HTRA4: variants seen among roughly 807,000 people sequenced by gnomAD.
The protein encoded by HTRA4 is serine protease HTRA4.
HTRA4 carries 46 observed loss-of-function variants against 49.1 expected under a neutral mutation model. That is an observed-to-expected ratio of 0.94 (90% confidence interval 0.74 to 1.20). The LOEUF is 1.20. HTRA4 is among the 50% of genes most tolerant of loss of function. The pLI, the probability that HTRA4 is intolerant of heterozygous loss-of-function variation, is 0.00. For synonymous variants in HTRA4, 261 were observed against 264.0 expected (o/e 0.99, Z 0.11); for missense variants, 602 against 636.9 (o/e 0.95, Z 0.59).
chr8:38,986,839 G>C (rs1564183269), intron 8 of HTRA4, among the ~76,000 whole-genome samples: 1 of 152,294 alleles, frequency 6.6e-6, no homozygotes, highest in East Asian at 1.9e-4. Context: ...CCTCTCACAA[G>C]TTGCATGACA....
Position 38,974,521 on chromosome 8 carries a change from A to T in HTRA4, c.258A>T (p.Gln86His), listed in dbSNP as rs887422474. The T allele has an allele frequency of 6.9e-7, 1 of 1,440,330 alleles. No homozygotes were observed. The highest frequency in any genetic ancestry group is 2.5e-4 in the Middle Eastern group (1 of 4,048). 89.2% of individuals were successfully genotyped at this position (1,440,330 alleles called of 1,614,324 possible). Residue 86 changes from glutamine to histidine, a missense_variant, in exon 1 of 9, where the codon CAA (glutamine) becomes CAT (histidine). Coordinates refer to ENST00000302495, the MANE Select transcript of HTRA4 (RefSeq NM_153692.4). ...EREVCGGAQG[Q>H]PCAPGLQCLQ... ...AAGTCTGCGGCGGGGCGCAGGGCCA[A>T]CCGTGCGCCCCGGGGCTGCAGTGCC... is the stretch of plus-strand genomic sequence containing the variant.
chr8:38,979,182 T>C (rs1835390240), intron 4 of HTRA4, 33 bp from the exon 5 acceptor site: 1 of 1,596,294 alleles, frequency 6.3e-7, no homozygotes, highest in Non-Finnish European at 8.6e-7. Flanking sequence ...ATTCATTAGC[T>C]TCACTGATGT....
chr8:38,983,163 T>C (rs1835444982), intron 8 of HTRA4, 115 bp downstream of exon 8: 2 of 637,448 alleles, frequency 3.1e-6, no homozygotes, highest in Non-Finnish European at 5.7e-6. Context: ...ACTACTTACA[T>C]GTAGTATGTA....
In HTRA4 at chr8:38,988,013, C is replaced by G; in HGVS notation, c.1346C>G (p.Ala449Gly). ...ACTACTACAACTGATGTTGTTAAAG[C>G]TCTTGACAGTGATTCCCTTTCCATG... ...PITTTTDVVK[A>G]LDSDSLSMAV... Residue 449 changes from alanine (A) to glycine (G), a missense_variant, in exon 9 of 9, where the codon GCT (alanine) becomes GGT (glycine). Physicochemically the swap from Ala to Gly is moderately conservative, Grantham distance 60. Coordinates refer to ENST00000302495, the MANE Select transcript of HTRA4 (RefSeq NM_153692.4). The G allele has an allele frequency of 6.2e-7, 1 of 1,612,636 alleles. No individual in the cohort carries two copies. The highest frequency in any genetic ancestry group is 1.1e-5 in the South Asian group (1 of 90,668).
chr8:38,979,090 C>A, intron 4 of HTRA4, 125 bp from the exon 5 acceptor site: 1 of 844,150 alleles, frequency 1.2e-6, no homozygotes, highest in South Asian at 1.5e-5. Context: ...ACAATTTTGC[C>A]GGCCTGGGGG....
At chr8:38,974,782 T>C in intron 1 of HTRA4, 53 bp downstream of exon 1, 1 of 1,405,738 alleles carries the variant, frequency 7.1e-7, no homozygotes, top group Admixed American at 2.9e-5. Flanking sequence ...TGGAGGAGCG[T>C]AAAGGAACAA....
Position 38,987,926 on chromosome 8 carries a change from CCT to C in HTRA4, c.1269-4_1269-3del, listed in dbSNP as rs771630706. ...GTTTCATGATCCTCTTTTTTTTCTC[CCT>C]CTCTCAGCTCTGGATTGAGAGATCA... is the stretch of plus-strand genomic sequence containing the variant. On this transcript the variant is annotated splice_region_variant and splice_polypyrimidine_tract_variant and intron_variant, in intron 8 of 8. Transcript: ENST00000302495. 16 of 1,524,090 alleles carry C rather than the reference CCT, an allele frequency of 1.0e-5. No homozygotes were observed. The highest frequency in any genetic ancestry group is 1.4e-5 in the Non-Finnish European group (16 of 1,142,378). 94.4% of individuals were successfully genotyped at this position (1,524,090 alleles called of 1,614,324 possible). A position where few individuals can be genotyped will look rare whatever the true frequency, so the allele number is the denominator to read the frequency against.
At chr8:38,975,279 T>C in intron 2 of HTRA4, 149 bp downstream of exon 2, 2 of 765,764 alleles carry the variant, frequency 2.6e-6, no homozygotes, top group Non-Finnish European at 4.2e-6. Flanking sequence ...TTCAAGGTCA[T>C]TTAACCAAAG....
rs1427700276 is a variant in HTRA4 at position 38,974,239 on chromosome 8, A to G, written c.-25A>G. ...TGCAGGTCCAGAGTAAAGTCACTGAAGAGTGGAAGCGAGGAAGGAACAGGA... is the reference window on the plus strand; with the variant it reads ...TGCAGGTCCAGAGTAAAGTCACTGAGGAGTGGAAGCGAGGAAGGAACAGGA... On this transcript the variant is annotated 5_prime_UTR_variant, in exon 1 of 9. Coordinates refer to ENST00000302495, the MANE Select transcript of HTRA4 (RefSeq NM_153692.4). 6.2e-7 allele frequency: 1 copy of G among 1,610,466 alleles called. No homozygotes were observed. Among genetic ancestry groups the G allele is most frequent in the Admixed American group, 1.7e-5 (1 of 59,826 alleles).
chr8:38,982,417 G>A, intron 6 of HTRA4, 81 bp from the exon 7 acceptor site: 1 of 1,216,106 alleles, frequency 8.2e-7, no homozygotes, highest in South Asian at 1.2e-5. Flanking sequence ...ATGGCAAAGA[G>A]ATCCTGGGAC....
chr8:38,978,424 C>T (rs1835379638), intron 4 of HTRA4, among the ~76,000 whole-genome samples: 1 of 152,216 alleles, frequency 6.6e-6, no homozygotes, highest in Non-Finnish European at 1.5e-5. Context: ...CATCCCAAAC[C>T]ACCCCTCCGT....
In HTRA4 at chr8:38,978,132, T is replaced by G; in HGVS notation, c.951T>G (p.Ile317Met). Residue 317 changes from isoleucine (I) to methionine (M), a missense_variant, in exon 4 of 9, where the codon ATT becomes ATG. Physicochemically the swap from Ile to Met is conservative, Grantham distance 10. Coordinates refer to ENST00000302495, the MANE Select transcript of HTRA4 (RefSeq NM_153692.4). ...ATTCAGATATGGACTACGTCCAGAT[T>G]GATGCCACAATTAATGTAAGTCACT... ...MKDSDMDYVQ[I>M]DATINYGNSG... 1 of 1,613,414 alleles carries G rather than the reference T, an allele frequency of 6.2e-7. No homozygotes were observed. The highest frequency in any genetic ancestry group is 8.5e-7 in the Non-Finnish European group (1 of 1,179,592).
intron 8 of HTRA4, among the ~76,000 whole-genome samples, chr8:38,984,430 C>T (rs1001113734): frequency 6.6e-5 from 10 of 151,232 alleles, no homozygotes; most frequent in South Asian, 4.2e-4. Context: ...CTGGGGAACA[C>T]GGTGAAACCC....
intron 2 of HTRA4, 91 bp downstream of exon 2, chr8:38,975,221 C>A: frequency 7.6e-7 from 1 of 1,309,260 alleles, no homozygotes; most frequent in Non-Finnish European, 1.1e-6. Flanking sequence ...TCATTTAATC[C>A]TAAAAAACCA....
Position 38,978,080 on chromosome 8 carries a change from G to A in HTRA4, c.899G>A (p.Arg300Gln), listed in dbSNP as rs771698771. 17 of 1,614,054 alleles carry A rather than the reference G, an allele frequency of 1.1e-5. No homozygotes were observed. The Admixed American group carries it at 1.8e-4, about 17-fold the overall frequency. ...ATAGIVSTKQ[R>Q]GGKELGMKDS... The stretch of plus-strand genomic sequence containing the variant: ...GCAGGAATTGTCAGCACCAAACAGC[G>A]AGGGGGCAAAGAACTGGGGATGAAG... The change falls in exon 4 of 9, where the codon CGA (arginine) becomes CAA (glutamine). Residue 300 changes from arginine (R) to glutamine (Q), a missense_variant. Coordinates refer to ENST00000302495, the MANE Select transcript of HTRA4 (RefSeq NM_153692.4).
chr8:38,987,537 T>G (rs1029949293), intron 8 of HTRA4, among the ~76,000 whole-genome samples: 5 of 152,208 alleles, frequency 3.3e-5, no homozygotes, highest in Admixed American at 3.3e-4. Context: ...TGAGCCGAGT[T>G]TAAGTGTCTG....
chr8:38,974,420 C>T lies in HTRA4; in HGVS notation c.157C>T (p.Pro53Ser), dbSNP rs1181232656. 1 of 1,551,938 alleles carries T rather than the reference C, an allele frequency of 6.4e-7. No individual in the cohort carries two copies. The highest frequency in any genetic ancestry group is 1.4e-5 in the African/African-American group (1 of 73,584). ...CCAGCCCACGCGCTGCCCCGCGCTG[C>T]CCACCTGCGCGCTGGGGACCACGCC... ...VCQPTRCPAL[P>S]TCALGTTPVF... The change falls in exon 1 of 9, where the codon CCC becomes TCC. Residue 53 changes from proline to serine, a missense_variant. Pro to Ser is a moderately conservative substitution (Grantham distance 74). Transcript: ENST00000302495.
Position 38,974,342 on chromosome 8 carries a change from C to T in HTRA4, c.79C>T (p.Leu27Phe), listed in dbSNP as rs1267167507. 1 of 1,611,888 alleles carries T rather than the reference C, an allele frequency of 6.2e-7. No individual in the cohort carries two copies. Among genetic ancestry groups the T allele is most frequent in the Admixed American group, 1.7e-5 (1 of 59,900 alleles). Residue 27 changes from leucine (L) to phenylalanine (F), a missense_variant, in exon 1 of 9, where the codon CTC (leucine) becomes TTC (phenylalanine). Transcript: ENST00000302495. ...GCTGCTGCTGCTCCTGGTGCCCGTC[C>T]TCTGGGCCGGGGCTGAAAAGCTACA... ...PGLLLLLVPVLWAGAEKLHTQ... is the reference protein window; with the variant it reads ...PGLLLLLVPVFWAGAEKLHTQ...
Position 38,988,252 on chromosome 8 carries a change from C to A in HTRA4, c.*154C>A. On this transcript the variant is annotated 3_prime_UTR_variant, in exon 9 of 9. Coordinates refer to ENST00000302495, the MANE Select transcript of HTRA4 (RefSeq NM_153692.4). ...TATCAACCCAAATGCCCATCAATGA[C>A]AGACTGGATAAAGCAAATGTGGTAC... The A allele has an allele frequency of 1.6e-6, 1 of 642,500 alleles. No individual in the cohort carries two copies. The highest frequency in any genetic ancestry group is 2.6e-6 in the Non-Finnish European group (1 of 388,704). The allele number at this position is 642,500 out of a possible 1,614,324, so 39.8% of individuals were successfully genotyped here.
Sources: allele counts gnomAD v4.1 joint callset (sites outside exome capture counted in the v4.1 genomes callset), GRCh38; gene constraint gnomAD v4.1.1; transcripts MANE v1.5; gene names NCBI Gene and HGNC (gene_info 2026-07-23, HGNC 2026-07-21).